SORCS3: variants seen among roughly 807,000 people sequenced by gnomAD.
SORCS3 encodes the protein VPS10 domain-containing receptor SorCS3.
In SORCS3, 57 loss-of-function variants were observed where a neutral mutation model predicts 146.3. The observed-to-expected ratio is 0.39, with a 90% CI of 0.31 to 0.49. SORCS3 has a LOEUF of 0.49. Among genes scored for constraint, SORCS3 ranks in the 20% least tolerant of loss-of-function variants. The probability of loss-of-function intolerance (pLI) is 0.92; values close to 1 mark genes in which losing one functional copy is unlikely to be tolerated. For synonymous variants in SORCS3, 653 were observed against 618.5 expected, an observed-to-expected ratio of 1.06 and a Z score of -0.83; for missense variants, 1,341 against 1,575.5, an observed-to-expected ratio of 0.85 and a Z score of 2.52.
intron 20 of SORCS3, among the ~76,000 whole-genome samples, chr10:105,242,741 T>TAC (rs1213585313): frequency 9.5e-6 from 1 of 105,100 alleles, no homozygotes; most frequent in Non-Finnish European, 1.7e-5. Context: ...TATATTTATA[T>TAC]ATTTATATAT....
At position 105,158,939 on chromosome 10, in the gene SORCS3, T is replaced by C; in HGVS notation, c.1677T>C (p.Tyr559=). The C allele has an allele frequency of 6.2e-7, 1 of 1,613,080 alleles. No individual in the cohort carries two copies. Among genetic ancestry groups the C allele is most frequent in the African/African-American group, 1.3e-5 (1 of 75,042 alleles). The change falls in exon 11 of 27, where the codon TAT becomes TAC. Residue 559 remains tyrosine, a synonymous_variant. Transcript: ENST00000369701. ...ACCTGCAACTCTCTGAAAATCCATA[T>C]TCCTCAGGAAGAATCTCTAGCAAGG... ...HLHLQLSENP[Y]SSGRISSKET...
chr10:104,645,197 G>T (rs928712910), intron 1 of SORCS3, among the ~76,000 whole-genome samples: 2 of 152,162 alleles, frequency 1.3e-5, no homozygotes, highest in African/African-American at 2.4e-5. Flanking sequence ...TACTCTGGAG[G>T]AGCGATTTGC....
intron 4 of SORCS3, among the ~76,000 whole-genome samples, chr10:105,016,153 A>ATG (rs1242064422): frequency 5.9e-4 from 60 of 101,434 alleles, no homozygotes; most frequent in African/African-American, 3.0e-3. Context: ...ATATATATAT[A>ATG]TATTTTTTTT....
chr10:105,089,164 T>C (rs1424402180), intron 5 of SORCS3, among the ~76,000 whole-genome samples: 1 of 152,214 alleles, frequency 6.6e-6, no homozygotes, highest in East Asian at 1.9e-4. Context: ...CTTTAAGGTT[T>C]TCCATCTTTC....
intron 1 of SORCS3, among the ~76,000 whole-genome samples, chr10:104,673,418 C>T (rs974732996): frequency 2.2e-5 from 3 of 138,170 alleles, no homozygotes; most frequent in African/African-American, 8.5e-5. Flanking sequence ...TTTCTTATTT[C>T]CGTGTGTGTG....
intron 20 of SORCS3, among the ~76,000 whole-genome samples, chr10:105,227,325 C>A (rs1321260101): frequency 3.2e-4 from 48 of 151,880 alleles, no homozygotes; most frequent in Non-Finnish European, 1.5e-5. Context: ...AGAAGCATAT[C>A]ATTTAATTTC....
chr10:104,862,916 T>TA (rs2018420198), intron 2 of SORCS3, among the ~76,000 whole-genome samples: 1 of 152,242 alleles, frequency 6.6e-6, no homozygotes, highest in Admixed American at 6.5e-5. Flanking sequence ...AATCTATTCT[T>TA]ACACTGCAGC....
intron 5 of SORCS3, among the ~76,000 whole-genome samples, chr10:105,084,531 T>G (rs1486225876): frequency 1.3e-5 from 2 of 152,192 alleles, no homozygotes; most frequent in Admixed American, 1.3e-4. Context: ...GGGACCTGAT[T>G]GCTTACACCC....
At chr10:105,021,222 C>T (rs1394748131) in intron 4 of SORCS3, among the ~76,000 whole-genome samples, 1 of 152,098 alleles carries the variant, frequency 6.6e-6, no homozygotes, top group African/African-American at 2.4e-5. Flanking sequence ...GACTGAGGGG[C>T]CAGCATTGGG....
At chr10:104,942,223 C>T (rs765269917) in intron 3 of SORCS3, among the ~76,000 whole-genome samples, 2 of 152,052 alleles carry the variant, frequency 1.3e-5, no homozygotes, top group South Asian at 4.2e-4. Context: ...AGGAGTCAAA[C>T]GTTACCATTT....
intron 2 of SORCS3, among the ~76,000 whole-genome samples, chr10:104,913,193 G>A (rs1443258737): frequency 6.6e-6 from 1 of 152,136 alleles, no homozygotes; most frequent in Non-Finnish European, 1.5e-5. Flanking sequence ...GACAGATCTG[G>A]GGTAGAAAAA....
At chr10:104,849,428 A>G (rs1479638053) in intron 2 of SORCS3, among the ~76,000 whole-genome samples, 2 of 151,478 alleles carry the variant, frequency 1.3e-5, no homozygotes, top group East Asian at 1.9e-4. Context: ...AAAAAAAAAA[A>G]AAAAAAAAAG....
At chr10:104,723,268 T>C (rs889037947) in intron 1 of SORCS3, among the ~76,000 whole-genome samples, 3 of 152,218 alleles carry the variant, frequency 2.0e-5, no homozygotes, top group African/African-American at 7.2e-5. Flanking sequence ...GGTTGTTCAG[T>C]TTCCATGTAG....
chr10:105,110,013 T>C (rs1380259666), intron 7 of SORCS3, among the ~76,000 whole-genome samples: 1 of 152,030 alleles, frequency 6.6e-6, no homozygotes, highest in Non-Finnish European at 1.5e-5. Flanking sequence ...CCAGGACATC[T>C]AGGATGTGTA....
At chr10:104,861,500 G>T (rs377688048) in intron 2 of SORCS3, among the ~76,000 whole-genome samples, 50 of 152,282 alleles carry the variant, frequency 3.3e-4, no homozygotes, top group African/African-American at 1.2e-3. Flanking sequence ...TGTCAGGATT[G>T]CTCTGCCTTT....
chr10:105,059,213 CCT>C (rs1266945002), intron 5 of SORCS3, among the ~76,000 whole-genome samples: 1 of 152,108 alleles, frequency 6.6e-6, no homozygotes, highest in East Asian at 1.9e-4. Flanking sequence ...TCAAAAACCC[CCT>C]CTTTTCTCCA....
chr10:104,828,644 C>A (rs1332923242), intron 1 of SORCS3, among the ~76,000 whole-genome samples: 2 of 152,092 alleles, frequency 1.3e-5, no homozygotes, highest in East Asian at 3.9e-4. Flanking sequence ...CATGGGGTTG[C>A]CACAAGCCTT....
At chr10:105,139,285 C>G in intron 7 of SORCS3, 112 bp from the exon 8 acceptor site, 1 of 801,976 alleles carries the variant, frequency 1.2e-6, no homozygotes. Context: ...GGAATATTCT[C>G]TAAAAGGTAA....
At chr10:105,217,291 T>G (rs554526870) in intron 19 of SORCS3, among the ~76,000 whole-genome samples, 169 bp downstream of exon 19, 1 of 152,244 alleles carries the variant, frequency 6.6e-6, no homozygotes, top group Non-Finnish European at 1.5e-5. Context: ...ATTATGGTAC[T>G]GAAATAGATT....
Sources: allele counts gnomAD v4.1 joint callset (sites outside exome capture counted in the v4.1 genomes callset), GRCh38; gene constraint gnomAD v4.1.1; transcripts MANE v1.5; gene names NCBI Gene and HGNC (gene_info 2026-07-23, HGNC 2026-07-21).